NPAS3: variants seen among roughly 807,000 people sequenced by gnomAD.
NPAS3 encodes the protein neuronal PAS domain protein 3.
NPAS3 carries 14 observed loss-of-function variants against 73.1 expected under a neutral mutation model. That is an observed-to-expected ratio of 0.19 (90% CI 0.13 to 0.30). NPAS3 has a LOEUF of 0.30. Among genes scored for constraint, NPAS3 ranks in the 10% least tolerant of loss-of-function variants. NPAS3 has a pLI of 1.00. For missense variants in NPAS3, 1,096 were observed against 1,250.0 expected, an observed-to-expected ratio of 0.88 and a Z score of 1.86; for synonymous variants, 620 against 541.5, an observed-to-expected ratio of 1.14 and a Z score of -2.01.
intron 1 of NPAS3, among the ~76,000 whole-genome samples, chr14:32,969,942 C>T (rs1230950777): frequency 6.6e-6 from 1 of 152,126 alleles, no homozygotes; most frequent in Non-Finnish European, 1.5e-5. Flanking sequence ...AACCACATTA[C>T]TAATTACTGA....
At chr14:33,617,040 A>T (rs1025012943) in intron 5 of NPAS3, among the ~76,000 whole-genome samples, 2 of 152,208 alleles carry the variant, frequency 1.3e-5, no homozygotes, top group Non-Finnish European at 2.9e-5. Flanking sequence ...CAAAGGCTAA[A>T]AGATGAATCT....
chr14:33,446,527 T>C (rs2049515340), intron 4 of NPAS3, among the ~76,000 whole-genome samples: 1 of 152,244 alleles, frequency 6.6e-6, no homozygotes, highest in African/African-American at 2.4e-5. Context: ...TGAAATTCTT[T>C]CATGTTCTTT....
At chr14:33,443,504 A>C (rs935620730) in intron 4 of NPAS3, among the ~76,000 whole-genome samples, 2 of 152,222 alleles carry the variant, frequency 1.3e-5, no homozygotes, top group Non-Finnish European at 2.9e-5. Flanking sequence ...ATCCAGTTGC[A>C]TGGATCTTGT....
At chr14:33,425,967 C>T (rs549558090) in intron 4 of NPAS3, among the ~76,000 whole-genome samples, 2 of 152,172 alleles carry the variant, frequency 1.3e-5, no homozygotes, top group African/African-American at 2.4e-5. Flanking sequence ...GCAAGTGATA[C>T]ATTGTTCAAA....
chr14:32,953,503 CAAT>C (rs1182970217), intron 1 of NPAS3, among the ~76,000 whole-genome samples: 2 of 152,070 alleles, frequency 1.3e-5, no homozygotes, highest in African/African-American at 4.8e-5. Flanking sequence ...TCAGGAAATC[CAAT>C]AATCTACTGA....
intron 5 of NPAS3, among the ~76,000 whole-genome samples, chr14:33,581,346 T>G (rs2056655042): frequency 6.6e-6 from 1 of 152,192 alleles, no homozygotes; most frequent in Non-Finnish European, 1.5e-5. Context: ...TGACAAGTCC[T>G]TTAATTAAAA....
In NPAS3 at chr14:33,800,945, A is replaced by G. The variant is rs762990519; in HGVS notation, c.2638A>G (p.Asn880Asp). ...GCTCTACCACCACGTGCACCGGCTC[A>G]ACATGTCAGGACCGTTCGGCGGCGC... is the stretch of plus-strand genomic sequence containing the variant. Residue 880 changes from asparagine (N) to aspartate (D), a missense_variant, in exon 12 of 12, where the codon AAC (asparagine) becomes GAC (aspartate). Transcript: ENST00000356141. This position sits in a 1 kb window ranked among gnomAD's most constrained non-coding sequence, Gnocchi z 6.5. 6.2e-7 allele frequency: 1 copy of G among 1,606,334 alleles called. No homozygotes were observed. Among genetic ancestry groups the G allele is most frequent in the Non-Finnish European group, 8.5e-7 (1 of 1,176,946 alleles).
At chr14:33,263,932 A>G (rs906312011) in intron 3 of NPAS3, among the ~76,000 whole-genome samples, 1 of 152,206 alleles carries the variant, frequency 6.6e-6, no homozygotes, top group Admixed American at 6.5e-5. Context: ...GTATATACCC[A>G]AAGGATTATA....
chr14:32,990,653 C>T (rs767385325), intron 1 of NPAS3, among the ~76,000 whole-genome samples: 11 of 152,042 alleles, frequency 7.2e-5, no homozygotes, highest in African/African-American at 2.2e-4. Context: ...AGGCCAGGTA[C>T]GGTAGTTCAC....
rs528814038 is a variant in NPAS3 at position 33,139,080 on chromosome 14, T to G, written c.141-76102T>G. On this transcript the variant is annotated intron_variant, in intron 2 of 11. Transcript: ENST00000356141. ...TGGGATTATTATGACTTACTCCCAG[T>G]GGTTGGGAACTTAAAATTGGGTGTC... Among the ~76,000 whole-genome samples the G allele has an allele frequency of 2.6e-5, 4 of 152,328 alleles. No homozygotes were observed. The South Asian group carries it at 8.3e-4, about 32-fold the overall frequency.
chr14:33,064,209 T>C (rs2041204337), intron 2 of NPAS3, among the ~76,000 whole-genome samples: 1 of 152,108 alleles, frequency 6.6e-6, no homozygotes, highest in Non-Finnish European at 1.5e-5. Flanking sequence ...ATACATATTA[T>C]CAAAAAAACT....
At chr14:33,433,954 G>A (rs2048879804) in intron 4 of NPAS3, among the ~76,000 whole-genome samples, 1 of 152,188 alleles carries the variant, frequency 6.6e-6, no homozygotes, top group African/African-American at 2.4e-5. Flanking sequence ...ACTTTAGGAG[G>A]CCGAGGTGGG....
chr14:33,236,367 T>C (rs1170717027), intron 3 of NPAS3, among the ~76,000 whole-genome samples: 2 of 152,102 alleles, frequency 1.3e-5, no homozygotes, highest in African/African-American at 4.8e-5. Flanking sequence ...CTCTCCTTTC[T>C]TTTACCTCAC....
intron 2 of NPAS3, among the ~76,000 whole-genome samples, chr14:33,085,700 C>T (rs1032997134): frequency 6.6e-6 from 1 of 152,036 alleles, no homozygotes; most frequent in African/African-American, 2.4e-5. Flanking sequence ...TGTGAAAAGA[C>T]ATTTTATGTT....
chr14:33,062,153 G>T (rs1163250291), intron 2 of NPAS3, among the ~76,000 whole-genome samples: 1 of 152,088 alleles, frequency 6.6e-6, no homozygotes, highest in Non-Finnish European at 1.5e-5. Context: ...TCTTCGAGAA[G>T]AATTACCCTG....
intron 7 of NPAS3, among the ~76,000 whole-genome samples, chr14:33,759,766 C>T (rs187319257): frequency 2.6e-5 from 4 of 152,252 alleles, no homozygotes; most frequent in East Asian, 1.9e-4. Flanking sequence ...GACTGAGTAG[C>T]GTGTTTTACC....
At chr14:33,056,313 G>T (rs547314956) in intron 2 of NPAS3, among the ~76,000 whole-genome samples, 1 of 152,194 alleles carries the variant, frequency 6.6e-6, no homozygotes, top group South Asian at 2.1e-4. Flanking sequence ...GAAAATCTCG[G>T]CAAAATACAT....
rs10150663 is a variant in NPAS3 at position 33,121,660 on chromosome 14, A to G, written c.140+65666A>G. On this transcript the variant is annotated intron_variant, in intron 2 of 11. Coordinates refer to ENST00000356141, the Ensembl canonical transcript of NPAS3. ...TCTCTGACATAACTTTTTAAAAAGA[A>G]AAATATTGTTCTCTTCTGAGAGAAT... 1.8e-3 allele frequency among the ~76,000 whole-genome samples: 277 copies of G among 152,278 alleles called. 2 individuals are homozygous for G. The highest frequency in any genetic ancestry group is 6.3e-3 in the African/African-American group (261 of 41,586).
intron 2 of NPAS3, among the ~76,000 whole-genome samples, chr14:33,179,624 A>G (rs1455909103): frequency 6.6e-6 from 1 of 152,138 alleles, no homozygotes; most frequent in Non-Finnish European, 1.5e-5. Flanking sequence ...CTATATTATT[A>G]TGTCTGATCT....
Sources: gnomAD v4.1 joint callset for allele counts (sites outside exome capture counted in the v4.1 genomes callset) on GRCh38, gnomAD v4.1.1 for gene constraint, Gnocchi (gnomAD v3.1) non-coding constraint, MANE v1.5 for transcripts, NCBI Gene and HGNC (gene_info 2026-07-23, HGNC 2026-07-21) for gene names.